The following DOK6 variants were observed in gnomAD, a reference collection of about 807,000 sequenced individuals.
DOK6 encodes the protein docking protein 6, also known as downstream of tyrosine kinase 6.
A neutral mutation model predicts 44.0 loss-of-function variants in DOK6; 22 were observed. The observed-to-expected ratio is 0.50, with a 90% confidence interval of 0.36 to 0.71. The LOEUF is 0.71. Among genes scored for constraint, DOK6 ranks in the 30% least tolerant of loss-of-function variants. DOK6 has a pLI of 0.00. For missense variants in DOK6, 340 were observed against 416.4 expected (o/e 0.82, Z 1.60); for synonymous variants, 166 against 145.5 (o/e 1.14, Z -1.01).
chr18:69,511,172 T>C (rs1156290269), intron 1 of DOK6, among the ~76,000 whole-genome samples: 1 of 152,204 alleles, frequency 6.6e-6, no homozygotes, highest in Non-Finnish European at 1.5e-5. Flanking sequence ...GCATTATCTG[T>C]TGACAGTTAT....
chr18:69,574,810 T>A (rs1036791090), intron 2 of DOK6, among the ~76,000 whole-genome samples: 3 of 152,056 alleles, frequency 2.0e-5, no homozygotes, highest in African/African-American at 7.2e-5. Flanking sequence ...AAAAAATCCA[T>A]TTTTGTGGTG....
At chr18:69,815,076 C>A (rs7235918) in intron 7 of DOK6, among the ~76,000 whole-genome samples, 2 of 152,078 alleles carry the variant, frequency 1.3e-5, no homozygotes, top group Admixed American at 6.5e-5. Flanking sequence ...ATTCCTACCC[C>A]CAGAACAATA....
chr18:69,528,713 A>C (rs945197798), intron 1 of DOK6, among the ~76,000 whole-genome samples: 3 of 152,230 alleles, frequency 2.0e-5, no homozygotes, highest in African/African-American at 7.2e-5. Flanking sequence ...ACGTAGCTCT[A>C]TCTGGGCCTC....
At chr18:69,572,208 G>T (rs1983130517) in intron 2 of DOK6, among the ~76,000 whole-genome samples, 2 of 152,048 alleles carry the variant, frequency 1.3e-5, no homozygotes, top group South Asian at 4.1e-4. Context: ...CATTGTTTTT[G>T]ATTAAAAGGA....
intron 2 of DOK6, among the ~76,000 whole-genome samples, chr18:69,568,742 C>T (rs1983045804): frequency 6.6e-6 from 1 of 152,068 alleles, no homozygotes; most frequent in Admixed American, 6.5e-5. Flanking sequence ...CTGAGCTCCA[C>T]CTCCTGTCAG....
chr18:69,835,040 C>T (rs1352177986), intron 7 of DOK6, among the ~76,000 whole-genome samples: 1 of 152,180 alleles, frequency 6.6e-6, no homozygotes, highest in African/African-American at 2.4e-5. Flanking sequence ...CACCCACTAT[C>T]GCAAGAACAG....
At chr18:69,437,693 C>A (rs533657875) in intron 1 of DOK6, among the ~76,000 whole-genome samples, 4 of 152,036 alleles carry the variant, frequency 2.6e-5, no homozygotes, top group Non-Finnish European at 4.4e-5. Flanking sequence ...GTAGTTTTTT[C>A]TAATTCTGTG....
intron 2 of DOK6, among the ~76,000 whole-genome samples, chr18:69,595,070 C>G (rs1983710141): frequency 6.6e-6 from 1 of 152,088 alleles, no homozygotes; most frequent in African/African-American, 2.4e-5. Context: ...TGAAAGACCT[C>G]TACAAGGAAA....
chr18:69,822,827 G>T (rs1244850499), intron 7 of DOK6, among the ~76,000 whole-genome samples: 1 of 152,106 alleles, frequency 6.6e-6, no homozygotes, highest in Non-Finnish European at 1.5e-5. Flanking sequence ...TGTTATACTT[G>T]TTGGGACCAG....
rs7230201 is a variant in DOK6, at chr18:69,486,704, G to A, written c.67-77783G>A. 7.1e-3 allele frequency among the ~76,000 whole-genome samples: 1,078 copies of A among 152,254 alleles called. 13 individuals carry two copies. The highest frequency in any genetic ancestry group is 0.024 in the African/African-American group (1,012 of 41,562). On this transcript the variant is annotated intron_variant, in intron 1 of 7. Coordinates refer to ENST00000382713, the MANE Select transcript of DOK6 (RefSeq NM_152721.6). ...AATACTAATTTTTCACTCAACAAAT[G>A]TGGTGGTTATGTCTCTCTGGGCTAG...
chr18:69,735,168 G>T (rs1978561949), intron 5 of DOK6, among the ~76,000 whole-genome samples: 1 of 152,204 alleles, frequency 6.6e-6, no homozygotes, highest in Non-Finnish European at 1.5e-5. Context: ...TATCTCAAGT[G>T]ATTCTGGATG....
intron 7 of DOK6, among the ~76,000 whole-genome samples, chr18:69,774,133 G>GATAGATAT (rs1555670145): frequency 3.0e-5 from 2 of 66,866 alleles, no homozygotes; most frequent in African/African-American, 8.3e-5. Context: ...ATATATATGA[G>GATAGATAT]ATATATATAT....
chr18:69,676,506 C>T (rs144668846), intron 3 of DOK6, among the ~76,000 whole-genome samples: 46 of 152,126 alleles, frequency 3.0e-4, no homozygotes, highest in African/African-American at 1.1e-3. Flanking sequence ...ATTTAAAATG[C>T]CAAGACAAAG....
chr18:69,709,565 AG>A (rs1164978027), intron 5 of DOK6, among the ~76,000 whole-genome samples: 1 of 152,144 alleles, frequency 6.6e-6, no homozygotes, highest in African/African-American at 2.4e-5. Context: ...AATAAATTCT[AG>A]ACAAAGATTA....
At chr18:69,654,749 T>C (rs1985318823) in intron 3 of DOK6, among the ~76,000 whole-genome samples, 1 of 152,176 alleles carries the variant, frequency 6.6e-6, no homozygotes, top group African/African-American at 2.4e-5. Context: ...AACCGTTTTG[T>C]TGAGGCCCTT....
At chr18:69,408,439 CAA>C (rs35285941) in intron 1 of DOK6, among the ~76,000 whole-genome samples, 100 of 138,770 alleles carry the variant, frequency 7.2e-4, no homozygotes, top group Admixed American at 1.0e-3. Context: ...CCTCTCCTTT[CAA>C]AAAAAAAAAA....
intron 5 of DOK6, among the ~76,000 whole-genome samples, chr18:69,709,395 A>AT (rs1986707777): frequency 1.3e-5 from 2 of 152,020 alleles, no homozygotes; most frequent in African/African-American, 2.4e-5. Flanking sequence ...TTTTTTTCCC[A>AT]TTTTTTATTG....
intron 1 of DOK6, among the ~76,000 whole-genome samples, chr18:69,530,050 A>G (rs114049460): frequency 3.1e-4 from 47 of 152,288 alleles, no homozygotes; most frequent in Middle Eastern, 3.4e-3. Context: ...AAACGAGTTT[A>G]TGCATGATCC....
intron 1 of DOK6, among the ~76,000 whole-genome samples, chr18:69,561,815 A>ATGTGAT (rs1403426752): frequency 6.6e-6 from 1 of 152,160 alleles, no homozygotes; most frequent in Non-Finnish European, 1.5e-5. Context: ...AGAGGCCTTT[A>ATGTGAT]TGTGATTGTT....
Sources: allele counts gnomAD v4.1 joint callset (sites outside exome capture counted in the v4.1 genomes callset), GRCh38; gene constraint gnomAD v4.1.1; transcripts MANE v1.5; gene names NCBI Gene and HGNC (gene_info 2026-07-23, HGNC 2026-07-21).